Variants in DENND1A observed in about 807,000 individuals in gnomAD.
The protein encoded by DENND1A is DENN domain-containing protein 1A.
DENND1A carries 51 observed loss-of-function variants against 113.7 expected under a neutral mutation model. That is an observed-to-expected ratio of 0.45 (90% CI 0.36 to 0.57). The LOEUF is 0.57. DENND1A is among the 20% of genes least tolerant of loss of function. The pLI is 0.00. For missense variants in DENND1A, 1,258 were observed against 1,395.9 expected (o/e 0.90, Z 1.57); for synonymous variants, 565 against 570.8 (o/e 0.99, Z 0.14).
chr9:123,516,107 T>TAC lies in DENND1A; in HGVS notation c.993+41461_993+41462dup, dbSNP rs199923277. Among the ~76,000 whole-genome samples the TAC allele has an allele frequency of 2.8e-3, 386 of 138,628 alleles. 1 individual carries two copies. Among genetic ancestry groups the TAC allele is most frequent in the Middle Eastern group, 0.011 (3 of 284 alleles). 90.9% of individuals were successfully genotyped at this position (138,628 alleles called of 152,430 possible). A position where few individuals can be genotyped will look rare whatever the true frequency, so the allele number is the denominator to read the frequency against. ...ATATATAGATATATATACACACACA[T>TAC]ACACACACACACACACACACACACA... On this transcript the variant is annotated intron_variant, in intron 13 of 23. Transcript: ENST00000394215.
intron 13 of DENND1A, among the ~76,000 whole-genome samples, chr9:123,460,367 C>G (rs1036191494): frequency 6.6e-6 from 1 of 152,150 alleles, no homozygotes; most frequent in African/African-American, 2.4e-5. Flanking sequence ...AATTCTCTCT[C>G]CAGGTGATCT....
intron 3 of DENND1A, among the ~76,000 whole-genome samples, chr9:123,769,940 CTGT>C (rs1391753823): frequency 1.3e-5 from 2 of 152,184 alleles, no homozygotes; most frequent in Admixed American, 6.5e-5. Flanking sequence ...GGCAGGGCCG[CTGT>C]TGCTGGCACC....
At chr9:123,578,241 A>G (rs1004486885) in intron 12 of DENND1A, among the ~76,000 whole-genome samples, 3 of 152,236 alleles carry the variant, frequency 2.0e-5, no homozygotes, top group Admixed American at 2.0e-4. Context: ...TAGTACCAAT[A>G]TCCAGAAAAT....
At chr9:123,464,678 A>G (rs577091429) in intron 13 of DENND1A, among the ~76,000 whole-genome samples, 1 of 152,310 alleles carries the variant, frequency 6.6e-6, no homozygotes, top group East Asian at 1.9e-4. Flanking sequence ...TAATGCCACT[A>G]AACTGTGCAC....
At chr9:123,621,632 A>G (rs1022603910) in intron 10 of DENND1A, among the ~76,000 whole-genome samples, 1 of 152,218 alleles carries the variant, frequency 6.6e-6, no homozygotes, top group Non-Finnish European at 1.5e-5. Context: ...CTCCACCTGA[A>G]AACATTGGCT....
intron 2 of DENND1A, among the ~76,000 whole-genome samples, chr9:123,849,860 T>G (rs1413673033): frequency 6.6e-6 from 1 of 152,138 alleles, no homozygotes; most frequent in African/African-American, 2.4e-5. Flanking sequence ...ATTTAAGACT[T>G]CAGTGGAGGA....
intron 7 of DENND1A, among the ~76,000 whole-genome samples, chr9:123,669,927 G>A (rs1223486233): frequency 2.0e-5 from 3 of 151,964 alleles, no homozygotes; most frequent in Non-Finnish European, 2.9e-5. Context: ...AAAGACCATA[G>A]GCTTGAAGTT....
In DENND1A at chr9:123,651,901, T is replaced by C. The variant is rs1216380223; in HGVS notation, c.618+112A>G. ...AATTAATGAAAATGACATGCTGCCA[T>C]ATAAGGGGACTGTAGCTGACTCCTT... On this transcript the variant is annotated intron_variant, in intron 9 of 23. Coordinates refer to ENST00000394215, the MANE Select transcript of DENND1A (RefSeq NM_001352964.2). 3.9e-6 allele frequency: 3 copies of C among 770,994 alleles called. No individual in the cohort carries two copies. In the South Asian group the frequency reaches 6.8e-5, roughly 18 times the overall value. 47.8% of individuals were successfully genotyped at this position (770,994 alleles called of 1,614,324 possible). A position where few individuals can be genotyped will look rare whatever the true frequency, so the allele number is the denominator to read the frequency against.
chr9:123,771,152 T>C (rs1369145995), intron 3 of DENND1A, among the ~76,000 whole-genome samples: 2 of 152,308 alleles, frequency 1.3e-5, no homozygotes, highest in South Asian at 2.1e-4. Flanking sequence ...GTTAACTTTA[T>C]AATGTGGCAT....
intron 2 of DENND1A, among the ~76,000 whole-genome samples, chr9:123,829,864 G>A (rs1486668786): frequency 6.6e-6 from 1 of 152,048 alleles, no homozygotes; most frequent in Admixed American, 6.6e-5. Context: ...CTCGTTTTGA[G>A]GCCAGTAAAA....
chr9:123,639,966 G>A (rs1017916467), intron 9 of DENND1A, among the ~76,000 whole-genome samples: 1 of 152,040 alleles, frequency 6.6e-6, no homozygotes, highest in African/African-American at 2.4e-5. Flanking sequence ...GAGGCTCCTG[G>A]GTGTTGAGGA....
intron 13 of DENND1A, among the ~76,000 whole-genome samples, chr9:123,548,784 A>G (rs1243702969): frequency 1.3e-5 from 2 of 152,274 alleles, no homozygotes; most frequent in African/African-American, 2.4e-5. Context: ...AACCTGGTGA[A>G]CATGATGCTA....
chr9:123,818,411 T>C (rs955830159), intron 2 of DENND1A, among the ~76,000 whole-genome samples: 2 of 152,076 alleles, frequency 1.3e-5, no homozygotes, highest in Non-Finnish European at 2.9e-5. Context: ...GCCTATAGTA[T>C]TGTTAATACA....
intron 3 of DENND1A, among the ~76,000 whole-genome samples, chr9:123,791,069 A>G (rs895627239): frequency 2.0e-5 from 3 of 152,206 alleles, no homozygotes; most frequent in African/African-American, 7.2e-5. Context: ...TTTCAGATAT[A>G]GTAAGAAACT....
chr9:123,900,689 C>T (rs75229484), intron 1 of DENND1A, among the ~76,000 whole-genome samples: 5,414 of 152,268 alleles, frequency 0.036, 102 homozygotes, highest in Middle Eastern at 0.048. Context: ...ACCACACAAA[C>T]GGCCTAACAT....
intron 13 of DENND1A, among the ~76,000 whole-genome samples, chr9:123,502,495 C>G (rs1039987644): frequency 1.3e-5 from 2 of 152,074 alleles, no homozygotes; most frequent in Non-Finnish European, 2.9e-5. Flanking sequence ...GGAGAAATAT[C>G]GAGTCAGGTC....
intron 11 of DENND1A, among the ~76,000 whole-genome samples, chr9:123,607,575 T>A (rs1339437785): frequency 5.9e-5 from 8 of 134,482 alleles, no homozygotes; most frequent in Non-Finnish European, 1.3e-4. Flanking sequence ...TGTGTGTGTG[T>A]GTGTGCAGAC....
At chr9:123,529,525 G>A (rs1195672413) in intron 13 of DENND1A, among the ~76,000 whole-genome samples, 1 of 151,410 alleles carries the variant, frequency 6.6e-6, no homozygotes, top group African/African-American at 2.4e-5. Flanking sequence ...AGAGACAAGT[G>A]GTATACAAAC....
chr9:123,504,738 C>T (rs2052769988), intron 13 of DENND1A, among the ~76,000 whole-genome samples: 1 of 152,210 alleles, frequency 6.6e-6, no homozygotes, highest in Admixed American at 6.5e-5. Context: ...AGGGCCGGCA[C>T]TCCTGATGCC....
Sources: gnomAD v4.1 joint callset for allele counts (sites outside exome capture counted in the v4.1 genomes callset) on GRCh38, gnomAD v4.1.1 for gene constraint, MANE v1.5 for transcripts, NCBI Gene and HGNC (gene_info 2026-07-23, HGNC 2026-07-21) for gene names.